The following NAV2 variants were observed in gnomAD, a reference collection of about 807,000 sequenced individuals.
The protein encoded by NAV2 is helicase, APC down-regulated 1.
In NAV2, 54 loss-of-function variants were observed where a neutral mutation model predicts 223.2. The observed-to-expected ratio is 0.24, with a 90% CI of 0.19 to 0.30. The LOEUF is 0.30. Ranked by LOEUF, NAV2 falls within the 10% of genes least tolerant of loss-of-function variation. NAV2 has a pLI of 1.00. For missense variants in NAV2, 2,806 were observed against 3,147.5 expected (o/e 0.89, Z 2.60); for synonymous variants, 1,279 against 1,239.3 (o/e 1.03, Z -0.67).
At chr11:19,876,172 C>T (rs1260328718) in intron 4 of NAV2, among the ~76,000 whole-genome samples, 3 of 152,070 alleles carry the variant, frequency 2.0e-5, no homozygotes, top group Non-Finnish European at 2.9e-5. Context: ...ACTACAGGCA[C>T]GTGCCACCAC....
chr11:19,663,353 C>T (rs2135745518), intron 1 of NAV2, among the ~76,000 whole-genome samples: 1 of 152,218 alleles, frequency 6.6e-6, no homozygotes, highest in Middle Eastern at 3.4e-3. Context: ...ATTTTACTGT[C>T]CCCACAACCC....
chr11:19,661,908 G>A (rs777806830), intron 1 of NAV2, among the ~76,000 whole-genome samples: 2 of 152,186 alleles, frequency 1.3e-5, no homozygotes, highest in Non-Finnish European at 2.9e-5. Flanking sequence ...TGGAACCCAG[G>A]GCTCTTGAAT....
intron 2 of NAV2, among the ~76,000 whole-genome samples, chr11:19,839,161 G>A (rs1241871199): frequency 6.6e-6 from 1 of 152,190 alleles, no homozygotes; most frequent in Non-Finnish European, 1.5e-5. Context: ...GCTTCCCCAA[G>A]TTGGCTGTTG....
rs559444323 is a variant in NAV2, at chr11:19,440,778, A to G, written c.75+89751A>G. 8.5e-5 allele frequency among the ~76,000 whole-genome samples: 13 copies of G among 152,302 alleles called. No homozygotes were observed. The South Asian group carries it at 2.7e-3, about 32-fold the overall frequency. The stretch of plus-strand genomic sequence containing the variant: ...GAACTCTAGGTGATTGACTAACTCA[A>G]TGAATGAATGGAGGCTTGGTTTAAC... On this transcript the variant is annotated intron_variant, in intron 1 of 37. Coordinates refer to the NAV2 transcript ENST00000360655.
chr11:20,006,165 T>C (rs6483630), intron 11 of NAV2, among the ~76,000 whole-genome samples: 124,810 of 152,090 alleles, frequency 0.82, 51,928 homozygotes, highest in Middle Eastern at 0.91. Flanking sequence ...GAGGTGATCT[T>C]TCAAAGGTCT....
At chr11:19,425,665 A>G (rs898332165) in intron 1 of NAV2, among the ~76,000 whole-genome samples, 1 of 152,208 alleles carries the variant, frequency 6.6e-6, no homozygotes, top group African/African-American at 2.4e-5. Context: ...TCCATTAAAT[A>G]CTAAATTTGG....
chr11:19,781,587 T>C (rs1294219178), intron 1 of NAV2, among the ~76,000 whole-genome samples: 1 of 152,112 alleles, frequency 6.6e-6, no homozygotes, highest in Admixed American at 6.5e-5. Context: ...AAAGACCCCC[T>C]GGGCCTGTCC....
intron 11 of NAV2, among the ~76,000 whole-genome samples, chr11:19,988,639 A>G (rs2051026242): frequency 1.3e-5 from 2 of 152,064 alleles, no homozygotes; most frequent in Admixed American, 1.3e-4. Context: ...GAGTCACTGT[A>G]CAGACTTTCC....
chr11:19,795,620 A>T (rs896251682), intron 1 of NAV2, among the ~76,000 whole-genome samples: 5 of 152,262 alleles, frequency 3.3e-5, no homozygotes, highest in Non-Finnish European at 5.9e-5. Context: ...AAGTAAGGCT[A>T]ACTCTTATTG....
chr11:19,596,154 T>C (rs1223139658), intron 1 of NAV2, among the ~76,000 whole-genome samples: 5 of 152,202 alleles, frequency 3.3e-5, no homozygotes, highest in Admixed American at 3.3e-4. Flanking sequence ...AGGACAATGT[T>C]GATGTCATAA....
chr11:19,866,514 G>T (rs1446294462), intron 3 of NAV2, among the ~76,000 whole-genome samples: 1 of 152,188 alleles, frequency 6.6e-6, no homozygotes, highest in African/African-American at 2.4e-5. Context: ...GACATTAAAA[G>T]AAAGTCCAGC....
chr11:19,593,330 T>C (rs1397020806), intron 1 of NAV2, among the ~76,000 whole-genome samples: 2 of 152,210 alleles, frequency 1.3e-5, no homozygotes, highest in Non-Finnish European at 2.9e-5. Context: ...CTGTCTATAG[T>C]TCATTCCTCT....
intron 1 of NAV2, among the ~76,000 whole-genome samples, chr11:19,724,410 T>G (rs2051057717): frequency 6.6e-6 from 1 of 152,168 alleles, no homozygotes; most frequent in Admixed American, 6.5e-5. Context: ...TGGAGTGGCG[T>G]GACCATGGCT....
chr11:19,848,577 C>G (rs1022879639), intron 3 of NAV2, among the ~76,000 whole-genome samples: 2 of 152,190 alleles, frequency 1.3e-5, no homozygotes, highest in African/African-American at 4.8e-5. Context: ...GTCCCTTAGT[C>G]TCTAAGGGAG....
chr11:19,691,094 A>G (rs2049161245), intron 1 of NAV2, among the ~76,000 whole-genome samples: 1 of 152,204 alleles, frequency 6.6e-6, no homozygotes, highest in Admixed American at 6.5e-5. Context: ...AGAGCTGGAG[A>G]GTGGCCCATG....
upstream of NAV2, among the ~76,000 whole-genome samples, chr11:19,350,085 C>CTGATGATGATGATGATGATGA (rs3077390): frequency 2.5e-3 from 374 of 149,740 alleles, 1 homozygote; most frequent in Non-Finnish European, 4.2e-3. Flanking sequence ...CCTTATTCCT[C>CTGATGATGATGATGATGATGA]TGATGATGAT....
intron 1 of NAV2, among the ~76,000 whole-genome samples, chr11:19,679,201 C>A (rs1024333704): frequency 6.6e-6 from 1 of 152,072 alleles, no homozygotes; most frequent in South Asian, 2.1e-4. Context: ...GAGGCTGAGG[C>A]GGGTGGATCA....
At chr11:19,644,542 A>G (rs1052489534) in intron 1 of NAV2, among the ~76,000 whole-genome samples, 1 of 152,192 alleles carries the variant, frequency 6.6e-6, no homozygotes, top group Non-Finnish European at 1.5e-5. Context: ...TTGTGATCCA[A>G]CCATTCCTGT....
chr11:19,697,583 G>A (rs1243846004), intron 1 of NAV2, among the ~76,000 whole-genome samples: 1 of 151,978 alleles, frequency 6.6e-6, no homozygotes, highest in Admixed American at 6.6e-5. Flanking sequence ...GGCTGGTGCA[G>A]GTGGCAAAAG....
Sources: allele counts gnomAD v4.1 joint callset (sites outside exome capture counted in the v4.1 genomes callset), GRCh38; gene constraint gnomAD v4.1.1; transcripts MANE v1.5; gene names NCBI Gene and HGNC (gene_info 2026-07-23, HGNC 2026-07-21).